The following ATP9A variants were observed in gnomAD, a reference collection of about 807,000 sequenced individuals.
ATP9A encodes the protein ATPase phospholipid transporting 9A.
ATP9A carries 52 observed loss-of-function variants against 144.1 expected under a neutral mutation model. That is an observed-to-expected ratio of 0.36 (90% CI 0.29 to 0.45). The LOEUF (loss-of-function observed/expected upper bound fraction) is 0.45, where lower values mean the gene tolerates loss of function less well. ATP9A is among the 20% of genes least tolerant of loss of function. The probability of loss-of-function intolerance (pLI) is 1.00; values close to 1 mark genes in which losing one functional copy is unlikely to be tolerated. For missense variants in ATP9A, 947 were observed against 1,392.7 expected (o/e 0.68, Z 5.09); for synonymous variants, 582 against 557.4 (o/e 1.04, Z -0.62).
chr20:51,701,290 A>G (rs1454543811), intron 4 of ATP9A, among the ~76,000 whole-genome samples: 1 of 152,232 alleles, frequency 6.6e-6, no homozygotes, highest in African/African-American at 2.4e-5. Flanking sequence ...GGACAAAATC[A>G]GGGAGATTTC....
rs11476943 is a variant in ATP9A at position 51,656,219 on chromosome 20, CAA to C, written c.1506+717_1506+718del. ...CCTAATTTGATTGTGATGATGGTTG[CAA>C]AAAAAAAAAAAAATCCCAAAATATA... On this transcript the variant is annotated intron_variant, in intron 14 of 27. Coordinates refer to ENST00000338821, the MANE Select transcript of ATP9A (RefSeq NM_006045.3). 4.1e-3 allele frequency among the ~76,000 whole-genome samples: 592 copies of C among 143,560 alleles called. 2 individuals are homozygous for C. The highest frequency in any genetic ancestry group is 5.3e-3 in the African/African-American group (208 of 39,038). 94.2% of individuals were successfully genotyped at this position (143,560 alleles called of 152,430 possible). A position where few individuals can be genotyped will look rare whatever the true frequency, so the allele number is the denominator to read the frequency against.
chr20:51,628,399 C>T (rs1222056464), intron 16 of ATP9A, among the ~76,000 whole-genome samples: 4 of 152,152 alleles, frequency 2.6e-5, no homozygotes, highest in Non-Finnish European at 4.4e-5. Context: ...TGAGTGTGTG[C>T]TGGACCTAGT....
Position 51,618,749 on chromosome 20 carries a change from C to A in ATP9A, c.2263G>T (p.Val755Leu), listed in dbSNP as rs141084045. 1 of 1,609,808 alleles carries A rather than the reference C, an allele frequency of 6.2e-7. No individual in the cohort carries two copies. The highest frequency in any genetic ancestry group is 8.5e-7 in the Non-Finnish European group (1 of 1,178,274). ...GTGGGGGCACATCGGCAGCAGACTA[C>A]GGCCGGGCACTGGCAGGCCAGCTCC... ...FMELACQCPA[V>L]VCCRCAPTQK... Residue 755 changes from valine to leucine, a missense_variant, in exon 21 of 28, where the codon GTA becomes TTA. Physicochemically the swap from Val to Leu is conservative, Grantham distance 32. Coordinates refer to ENST00000338821, the MANE Select transcript of ATP9A (RefSeq NM_006045.3).
intron 14 of ATP9A, among the ~76,000 whole-genome samples, chr20:51,652,029 C>G (rs1308310786): frequency 6.6e-6 from 1 of 152,180 alleles, no homozygotes; most frequent in Non-Finnish European, 1.5e-5. Context: ...CAGGACAGCA[C>G]CTCCTGGCTC....
intron 2 of ATP9A, among the ~76,000 whole-genome samples, chr20:51,727,855 C>T (rs564033616): frequency 2.1e-4 from 32 of 151,572 alleles, no homozygotes; most frequent in Non-Finnish European, 4.3e-4. Context: ...CACTTAAACC[C>T]GGGAGGTGGA....
intron 1 of ATP9A, among the ~76,000 whole-genome samples, chr20:51,742,954 A>G (rs564941699): frequency 7.2e-5 from 11 of 152,338 alleles, no homozygotes; most frequent in African/African-American, 2.6e-4. Context: ...GTTCCTGCCC[A>G]TGAATTCCTT....
chr20:51,754,494 A>G (rs2077847464), intron 1 of ATP9A, among the ~76,000 whole-genome samples: 1 of 149,964 alleles, frequency 6.7e-6, no homozygotes, highest in Non-Finnish European at 1.5e-5. Flanking sequence ...CAAGAACAAA[A>G]CTCCATCTCG....
At chr20:51,627,720 G>GAGAGCTCCTGACCTCCCCA in intron 16 of ATP9A, 37 bp from the exon 17 acceptor site, 2 of 1,555,702 alleles carry the variant, frequency 1.3e-6, no homozygotes. Context: ...GAGCGGTGCT[G>GAGAGCTCCTGACCTCCCCA]AGAGCTCCTG....
At chr20:51,637,050 C>T (rs1032520840) in intron 15 of ATP9A, among the ~76,000 whole-genome samples, 16 of 152,248 alleles carry the variant, frequency 1.1e-4, no homozygotes, top group African/African-American at 3.1e-4. Context: ...GAGATGGCAC[C>T]GCTGTACTCC....
At chr20:51,624,869 G>A (rs2077241385) in intron 18 of ATP9A, among the ~76,000 whole-genome samples, 1 of 152,172 alleles carries the variant, frequency 6.6e-6, no homozygotes, top group South Asian at 2.1e-4. Flanking sequence ...GCCAGGCGTG[G>A]TGGTACGTGC....
intron 4 of ATP9A, among the ~76,000 whole-genome samples, chr20:51,700,143 T>A (rs921357854): frequency 3.3e-5 from 5 of 152,154 alleles, no homozygotes; most frequent in African/African-American, 1.2e-4. Flanking sequence ...TAGAGAGAGA[T>A]CCACTGGCCT....
chr20:51,662,560 A>AC (rs1491527503), intron 13 of ATP9A, among the ~76,000 whole-genome samples: 1 of 120,268 alleles, frequency 8.3e-6, no homozygotes, highest in Non-Finnish European at 1.9e-5. Context: ...AAAAAAAAAA[A>AC]TTTTTTTTCA....
chr20:51,669,878 AC>A, intron 13 of ATP9A, 118 bp downstream of exon 13: 1 of 741,360 alleles, frequency 1.3e-6, no homozygotes, highest in Admixed American at 2.6e-5. Context: ...TTAAAAAAAA[AC>A]AATGAATTGT....
At position 51,716,934 on chromosome 20, in the gene ATP9A, G is replaced by A. The variant is rs370037794; in HGVS notation, c.328-3860C>T. Among the ~76,000 whole-genome samples, 16 of 152,282 alleles carry A rather than the reference G, an allele frequency of 1.1e-4. 2 individuals carry two copies. The highest frequency in any genetic ancestry group is 2.0e-4 in the Admixed American group (3 of 15,294). ...CACACCTGTAATCCCAGTACTTCGG[G>A]AGGCCGAGGTGGGCGGATCACCTGA... On this transcript the variant is annotated intron_variant, in intron 3 of 27. Coordinates refer to ENST00000338821, the MANE Select transcript of ATP9A (RefSeq NM_006045.3).
chr20:51,766,145 C>T (rs1031112860), intron 1 of ATP9A, among the ~76,000 whole-genome samples: 1 of 152,170 alleles, frequency 6.6e-6, no homozygotes, highest in Non-Finnish European at 1.5e-5. Flanking sequence ...ATTTTTCTTT[C>T]ATGTACTGAC....
intron 4 of ATP9A, among the ~76,000 whole-genome samples, chr20:51,704,258 T>C (rs1279678005): frequency 2.0e-5 from 3 of 150,008 alleles, no homozygotes; most frequent in Non-Finnish European, 4.4e-5. Context: ...AATAAATATA[T>C]AAATGGTCTT....
chr20:51,627,057 CAAA>C (rs11481602), intron 17 of ATP9A, among the ~76,000 whole-genome samples: 8 of 111,048 alleles, frequency 7.2e-5, no homozygotes, highest in East Asian at 2.3e-4. Context: ...AACTCTGTCT[CAAA>C]AAAAAAAAAA....
intron 13 of ATP9A, among the ~76,000 whole-genome samples, chr20:51,666,082 G>C (rs1167367772): frequency 6.6e-6 from 1 of 152,084 alleles, no homozygotes; most frequent in Non-Finnish European, 1.5e-5. Context: ...AGGGCCCCTG[G>C]GTCAACCTCA....
In ATP9A at chr20:51,694,029, C is replaced by T. The variant is rs61737130; in HGVS notation, c.621G>A (p.Thr207=). The T allele has an allele frequency of 5.0e-4, 800 of 1,613,702 alleles. 3 individuals carry two copies. In the African/African-American group the frequency reaches 9.7e-3, roughly 20 times the overall value. ...DWKLRLPVAC[T]QRLPTAADLL... ...TCACGGCGGCCGTGGGGAGCCTCTG[C>T]GTGCAGGCCACGGGAAGCCGCAGCT... Residue 207 remains threonine, a synonymous_variant, in exon 7 of 28, where the codon ACG becomes ACA. Coordinates refer to ENST00000338821, the MANE Select transcript of ATP9A (RefSeq NM_006045.3).
Sources: gnomAD v4.1 joint callset for allele counts (sites outside exome capture counted in the v4.1 genomes callset) on GRCh38, gnomAD v4.1.1 for gene constraint, MANE v1.5 for transcripts, NCBI Gene and HGNC (gene_info 2026-07-23, HGNC 2026-07-21) for gene names.